The following NOX3 variants were observed in gnomAD, a reference collection of about 807,000 sequenced individuals.
NOX3 encodes the protein NADPH oxidase 3.
A neutral mutation model predicts 76.7 loss-of-function variants in NOX3; 74 were observed. The observed-to-expected ratio is 0.96, with a 90% CI of 0.80 to 1.17. The LOEUF (loss-of-function observed/expected upper bound fraction) is 1.17. NOX3 is among the 50% of genes most tolerant of loss of function. NOX3 has a pLI of 0.00. For synonymous variants in NOX3, 263 were observed against 261.1 expected (o/e 1.01, Z -0.07); for missense variants, 695 against 703.3 (o/e 0.99, Z 0.13).
intron 9 of NOX3, among the ~76,000 whole-genome samples, chr6:155,424,023 G>A (rs1027389428): frequency 6.6e-6 from 1 of 152,164 alleles, no homozygotes; most frequent in Non-Finnish European, 1.5e-5. Context: ...TTACAGGCGT[G>A]AGCCACTGCA....
intron 4 of NOX3, among the ~76,000 whole-genome samples, chr6:155,450,441 C>T (rs1777119120): frequency 6.6e-6 from 1 of 152,228 alleles, no homozygotes; most frequent in Non-Finnish European, 1.5e-5. Flanking sequence ...CCTTCAACCT[C>T]TCTTGCCTGC....
intron 4 of NOX3, among the ~76,000 whole-genome samples, chr6:155,447,907 T>C (rs1457392763): frequency 6.6e-6 from 1 of 152,242 alleles, no homozygotes; most frequent in Admixed American, 6.5e-5. Context: ...CTTTAGACAT[T>C]GTATTTTCTA....
chr6:155,445,640 T>C (rs1241181004), intron 4 of NOX3, among the ~76,000 whole-genome samples: 1 of 152,036 alleles, frequency 6.6e-6, no homozygotes. Context: ...CCATAGCATT[T>C]CTCAGATATT....
chr6:155,438,152 C>T (rs1429906957), intron 6 of NOX3, among the ~76,000 whole-genome samples: 3 of 152,096 alleles, frequency 2.0e-5, no homozygotes, highest in South Asian at 4.1e-4. Context: ...TCTAGATTCC[C>T]CTGAGTTATA....
At chr6:155,455,687 T>A in intron 1 of NOX3, 66 bp downstream of exon 1, 16 of 1,327,494 alleles carry the variant, frequency 1.2e-5, no homozygotes, top group Middle Eastern at 3.7e-4. Context: ...CCTATACAAG[T>A]TTTCCTAAAA....
At chr6:155,419,972 T>A (rs1776668739) in intron 10 of NOX3, among the ~76,000 whole-genome samples, 1 of 152,202 alleles carries the variant, frequency 6.6e-6, no homozygotes, top group Admixed American at 6.5e-5. Flanking sequence ...ATTTATTCAC[T>A]CATTGATTTA....
intron 4 of NOX3, among the ~76,000 whole-genome samples, chr6:155,449,106 T>G (rs1188949996): frequency 6.6e-6 from 1 of 152,170 alleles, no homozygotes; most frequent in African/African-American, 2.4e-5. Flanking sequence ...CTGAAGAGTT[T>G]GTGCCTTTAG....
chr6:155,423,235 G>A (rs1776713737), intron 9 of NOX3, among the ~76,000 whole-genome samples: 1 of 152,146 alleles, frequency 6.6e-6, no homozygotes, highest in Admixed American at 6.5e-5. Flanking sequence ...CCATCAGAGG[G>A]AAAAATCTGG....
At chr6:155,443,249 G>T (rs1476234857) in intron 5 of NOX3, 24 bp downstream of exon 5, 1 of 1,603,792 alleles carries the variant, frequency 6.2e-7, no homozygotes, top group Non-Finnish European at 8.5e-7. Context: ...CAGGGGAGAA[G>T]CTTGTTAGCA....
chr6:155,401,885 A>G lies in NOX3; in HGVS notation c.1581-4923T>C, dbSNP rs17086256. 7.5e-3 allele frequency among the ~76,000 whole-genome samples: 1,142 copies of G among 152,242 alleles called. 20 individuals carry two copies. The highest frequency in any genetic ancestry group is 0.026 in the African/African-American group (1,064 of 41,542). On this transcript the variant is annotated intron_variant, in intron 12 of 13. Transcript: ENST00000159060. ...AAAGGCGTGGTGAAGTTATTAACAG[A>G]TAGGTCAAAAGTAGAAAACTACAAA...
intron 10 of NOX3, among the ~76,000 whole-genome samples, chr6:155,416,254 G>C (rs1469532996): frequency 6.6e-6 from 1 of 152,190 alleles, no homozygotes; most frequent in Admixed American, 6.5e-5. Context: ...GAAACCAGCA[G>C]GATGACAGAA....
intron 5 of NOX3, among the ~76,000 whole-genome samples, chr6:155,441,897 C>T (rs1034693823): frequency 1.3e-5 from 2 of 152,176 alleles, no homozygotes; most frequent in African/African-American, 2.4e-5. Context: ...ACAAAGGCAT[C>T]CCCACTCATA....
At chr6:155,437,743 A>T (rs1242949748) in intron 6 of NOX3, among the ~76,000 whole-genome samples, 1 of 152,228 alleles carries the variant, frequency 6.6e-6, no homozygotes. Flanking sequence ...GCCTCATATC[A>T]TTCCACAAAT....
chr6:155,426,353 G>A (rs1776754875), intron 9 of NOX3, among the ~76,000 whole-genome samples: 1 of 152,172 alleles, frequency 6.6e-6, no homozygotes, highest in Non-Finnish European at 1.5e-5. Context: ...TTCTCATAGA[G>A]CTTCCATTCT....
At chr6:155,428,731 T>A in intron 9 of NOX3, 63 bp downstream of exon 9, 1 of 1,386,820 alleles carries the variant, frequency 7.2e-7, no homozygotes. Flanking sequence ...AGCATGTTGA[T>A]ACATTAAGAT....
At chr6:155,444,032 C>T (rs1777029471) in intron 4 of NOX3, among the ~76,000 whole-genome samples, 1 of 152,136 alleles carries the variant, frequency 6.6e-6, no homozygotes, top group Admixed American at 6.5e-5. Context: ...TTCTAGAATA[C>T]TGTACATTAT....
chr6:155,453,167 G>A lies in NOX3; in HGVS notation c.340+237C>T, dbSNP rs73792891. Among the ~76,000 whole-genome samples, 611 of 152,166 alleles carry A rather than the reference G, an allele frequency of 4.0e-3. 6 individuals carry two copies. The highest frequency in any genetic ancestry group is 0.014 in the African/African-American group (580 of 41,526). On this transcript the variant is annotated intron_variant, in intron 4 of 13. Coordinates refer to ENST00000159060, the MANE Select transcript of NOX3 (RefSeq NM_015718.3). ...GTATTATTAACAAGCTTAACTATTCGCAAATGAAGTTTCACCAACTTTTCT... is the reference window on the plus strand; with the variant it reads ...GTATTATTAACAAGCTTAACTATTCACAAATGAAGTTTCACCAACTTTTCT...
chr6:155,444,766 G>A (rs957687565), intron 4 of NOX3, among the ~76,000 whole-genome samples: 3 of 152,142 alleles, frequency 2.0e-5, no homozygotes, highest in Non-Finnish European at 4.4e-5. Flanking sequence ...CTGATGGATG[G>A]CAGTCGGGGT....
At chr6:155,450,454 G>A (rs1777119176) in intron 4 of NOX3, among the ~76,000 whole-genome samples, 1 of 152,092 alleles carries the variant, frequency 6.6e-6, no homozygotes, top group Non-Finnish European at 1.5e-5. Flanking sequence ...TTGCCTGCTG[G>A]CTCTCACTCA....
Sources: gnomAD v4.1 joint callset for allele counts (sites outside exome capture counted in the v4.1 genomes callset) on GRCh38, gnomAD v4.1.1 for gene constraint, MANE v1.5 for transcripts, NCBI Gene and HGNC (gene_info 2026-07-23, HGNC 2026-07-21) for gene names.